REPIN1: variants seen among roughly 807,000 people sequenced by gnomAD.
The protein encoded by REPIN1 is replication initiator 1.
REPIN1 carries 4 observed loss-of-function variants against 5.7 expected under a neutral mutation model. That is an observed-to-expected ratio of 0.71 (90% confidence interval 0.35 to 1.62). The LOEUF is 1.62. REPIN1 is among the 40% of genes most tolerant of loss of function. The pLI is 0.05. For synonymous variants in REPIN1, 410 were observed against 386.2 expected (o/e 1.06, Z -0.72); for missense variants, 854 against 901.0 (o/e 0.95, Z 0.67).
rs931895699 is a variant in REPIN1 at position 150,373,390 on chromosome 7, A to T, written c.*445A>T. 2 of 189,090 alleles carry T rather than the reference A, an allele frequency of 1.1e-5. No individual in the cohort carries two copies. Among genetic ancestry groups the T allele is most frequent in the Non-Finnish European group, 2.5e-5 (2 of 80,308 alleles). 11.7% of individuals were successfully genotyped at this position (189,090 alleles called of 1,614,324 possible). A position where few individuals can be genotyped will look rare whatever the true frequency, so the allele number is the denominator to read the frequency against. ...CCTGTAAATGAATGCTCTGGGCTAG[A>T]TACAGCTTGGAGAACCTGCTGGCCT... is the stretch of plus-strand genomic sequence containing the variant. On this transcript the variant is annotated 3_prime_UTR_variant, in exon 3 of 3. Transcript: ENST00000489432.
At chr7:150,370,782 A>G (rs1399959628) in intron 2 of REPIN1, 2 of 702,330 alleles carry the variant, frequency 2.8e-6, no homozygotes, top group Non-Finnish European at 5.2e-6. Context: ...CTGTTTGTCC[A>G]GCTTCTCAGA....
Position 150,369,868 on chromosome 7 carries a change from G to C in REPIN1, c.157G>C (p.Ala53Pro). The change falls in exon 2 of 3, where the codon GCA (alanine) becomes CCA (proline). Residue 53 changes from alanine to proline, a missense_variant and splice_region_variant. Transcript: ENST00000489432. Reference sequence around the variant, plus strand: ...TCATCCCCAGCTCTGCAGTCTCCAGGGTAGAGTCTGGCCTTTGCTGTGCTC... The same window carrying C: ...TCATCCCCAGCTCTGCAGTCTCCAGCGTAGAGTCTGGCCTTTGCTGTGCTC... ...KPHPQLCSLQ[A>P]EEEPMLERRC... is the part of the protein sequence containing the mutation. 6.3e-7 allele frequency: 1 copy of C among 1,594,194 alleles called. No homozygotes were observed. The highest frequency in any genetic ancestry group is 8.6e-7 in the Non-Finnish European group (1 of 1,166,636).
chr7:150,371,868 C>G lies in REPIN1; in HGVS notation c.798C>G (p.Ala266=). 1 of 1,606,172 alleles carries G rather than the reference C, an allele frequency of 6.2e-7. No individual in the cohort carries two copies. Among genetic ancestry groups the G allele is most frequent in the Non-Finnish European group, 8.5e-7 (1 of 1,176,886 alleles). The part of the protein sequence containing the change: ...HVAEALEEAA[A]KALGPRPRGR... ...CTGAGGCCCTGGAGGAGGCCGCAGC[C>G]AAGGCTCTGGGGCCCCGGCCCAGGG... The change falls in exon 3 of 3, where the codon GCC becomes GCG. Residue 266 remains alanine, a synonymous_variant. Coordinates refer to ENST00000489432, the MANE Select transcript of REPIN1 (RefSeq NM_001099695.2).
rs1800066568 is a variant in REPIN1, at chr7:150,373,155, G to A, written c.*210G>A. The A allele has an allele frequency of 2.9e-6, 2 of 688,888 alleles. No individual in the cohort carries two copies. The highest frequency in any genetic ancestry group is 3.0e-5 in the Admixed American group (1 of 33,592). The allele number at this position is 688,888 out of a possible 1,614,324, so 42.7% of individuals were successfully genotyped here. On this transcript the variant is annotated 3_prime_UTR_variant, in exon 3 of 3. Transcript: ENST00000489432. ...GGAACCCACTTCCAAGCGCAGGGAC[G>A]CCGGCCTCCAGCTGGTGTGTGCTAA...
intron 2 of REPIN1, 67 bp from the exon 3 acceptor site, chr7:150,371,161 G>C (rs1799667166): frequency 1.4e-6 from 2 of 1,475,354 alleles, no homozygotes; most frequent in Non-Finnish European, 1.8e-6. Flanking sequence ...CGGGGCTGAG[G>C]TTGGGAGGGG....
rs761792658 is a variant in REPIN1 at position 150,372,035 on chromosome 7, A to C, written c.965A>C (p.Gln322Pro). The change falls in exon 3 of 3, where the codon CAG (glutamine) becomes CCG (proline). Residue 322 changes from glutamine (Q) to proline (P), a missense_variant. Around this residue, in one of 5 missense-constraint regions of REPIN1, gnomAD observed 327 missense variants for 307.8 expected, o/e 1.06. Coordinates refer to ENST00000489432, the MANE Select transcript of REPIN1 (RefSeq NM_001099695.2). Reference protein sequence around the residue: ...RRVHTGERPHQCPECGKRFTN... With the variant: ...RRVHTGERPHPCPECGKRFTN... Reference sequence around the variant, plus strand: ...GTGCACACGGGCGAGCGGCCCCACCAGTGCCCCGAGTGCGGGAAGCGCTTT... The same window carrying C: ...GTGCACACGGGCGAGCGGCCCCACCCGTGCCCCGAGTGCGGGAAGCGCTTT... The C allele has an allele frequency of 6.2e-7, 1 of 1,611,136 alleles. No individual in the cohort carries two copies. The highest frequency in any genetic ancestry group is 8.5e-7 in the Non-Finnish European group (1 of 1,179,284).
chr7:150,373,184 TCCGTCCTGA>T lies in REPIN1; in HGVS notation c.*241_*249del. On this transcript the variant is annotated 3_prime_UTR_variant, in exon 3 of 3. Transcript: ENST00000489432. ...GCCTCCAGCTGGTGTGTGCTAAGGC[TCCGTCCTGA>T]CTGCCCTGTGCCCTGGAAAAGCAGC... 2 of 617,792 alleles carry T rather than the reference TCCGTCCTGA, an allele frequency of 3.2e-6. No homozygotes were observed. The highest frequency in any genetic ancestry group is 5.8e-6 in the Non-Finnish European group (2 of 347,630). The allele number at this position is 617,792 out of a possible 1,614,324, so 38.3% of individuals were successfully genotyped here.
Position 150,369,845 on chromosome 7 carries a change from A to G in REPIN1, c.134A>G (p.His45Arg). 2 of 1,610,592 alleles carry G rather than the reference A, an allele frequency of 1.2e-6. No homozygotes were observed. The highest frequency in any genetic ancestry group is 1.7e-6 in the Non-Finnish European group (2 of 1,177,396). The change falls in exon 2 of 3, where the codon CAT (histidine) becomes CGT (arginine). Residue 45 changes from histidine (H) to arginine (R), a missense_variant. Physicochemically the swap from His to Arg is conservative, Grantham distance 29 (BLOSUM62 0). Coordinates refer to ENST00000489432, the MANE Select transcript of REPIN1 (RefSeq NM_001099695.2). ...CCCAAGAGGAGCTGGAAAAAGCCTC[A>G]TCCCCAGCTCTGCAGTCTCCAGGGT... is the stretch of plus-strand genomic sequence containing the variant. ...NIPKRSWKKPHPQLCSLQAEE... is the reference protein window; with the variant it reads ...NIPKRSWKKPRPQLCSLQAEE...
chr7:150,370,214 C>A (rs1000447807), intron 2 of REPIN1: 7 of 277,712 alleles, frequency 2.5e-5, no homozygotes, highest in African/African-American at 1.3e-4. Flanking sequence ...TGGGGCAGGA[C>A]CGGGCAGGGG....
upstream of REPIN1, among the ~76,000 whole-genome samples, chr7:150,368,602 G>A (rs1204190923): frequency 1.3e-5 from 2 of 152,026 alleles, no homozygotes; most frequent in African/African-American, 4.8e-5. Context: ...GCTGGTGGTC[G>A]CCATGGCAAC....
In REPIN1 at chr7:150,372,841, C is replaced by G. The variant is rs745317554; in HGVS notation, c.1771C>G (p.Arg591Gly). The G allele has an allele frequency of 2.5e-6, 4 of 1,612,682 alleles. No individual in the cohort carries two copies. Among genetic ancestry groups the G allele is most frequent in the Middle Eastern group, 1.6e-4 (1 of 6,084 alleles). The change falls in exon 3 of 3, where the codon CGC becomes GGC. Residue 591 changes from arginine to glycine, a missense_variant. By Grantham distance (125) the Arg-to-Gly change is moderately radical (BLOSUM62 -2). Transcript: ENST00000489432. ...FSQKSNLITH[R>G]KSHIRDGAFC... ...CCAGAAGTCCAACCTCATCACCCACCGCAAGAGCCACATCCGGGACGGCGC... is the reference window on the plus strand; with the variant it reads ...CCAGAAGTCCAACCTCATCACCCACGGCAAGAGCCACATCCGGGACGGCGC...
rs761727650 is a variant in REPIN1 at position 150,372,210 on chromosome 7, C to T, written c.1140C>T (p.Ala380=). Residue 380 remains alanine (A), a synonymous_variant, in exon 3 of 3, where the codon GCC becomes GCT. Coordinates refer to ENST00000489432, the MANE Select transcript of REPIN1 (RefSeq NM_001099695.2). The part of the protein sequence containing the change: ...IHKRSEGSAQ[A]APGPGSPQLP... ...AGCGATCCGAGGGGTCGGCCCAGGC[C>T]GCCCCCGGCCCGGGGAGCCCCCAGC... 11 of 1,584,952 alleles carry T rather than the reference C, an allele frequency of 6.9e-6. No homozygotes were observed. Among genetic ancestry groups the T allele is most frequent in the Admixed American group, 3.5e-5 (2 of 56,674 alleles).
rs766147293 is a variant in REPIN1, at chr7:150,372,937, G to A, written c.1867G>A (p.Asp623Asn). 59 of 1,612,166 alleles carry A rather than the reference G, an allele frequency of 3.7e-5. No individual in the cohort carries two copies. The highest frequency in any genetic ancestry group is 4.7e-5 in the Non-Finnish European group (55 of 1,179,296). Reference sequence around the variant, plus strand: ...ACTCCTGGCCCACCAGAAGAAGCACGATGTCTGAGACGGTGGGCGGGGCCG... The same window carrying A: ...ACTCCTGGCCCACCAGAAGAAGCACAATGTCTGAGACGGTGGGCGGGGCCG... ...ERLLAHQKKH[D>N]V The change falls in exon 3 of 3, where the codon GAT becomes AAT. Residue 623 changes from aspartate to asparagine, a missense_variant. This residue lies in a region of REPIN1 where 101 missense variants were observed against 124.7 expected (regional missense o/e 0.81). Coordinates refer to ENST00000489432, the MANE Select transcript of REPIN1 (RefSeq NM_001099695.2).
chr7:150,369,042 GC>G (rs1259785639), intron 1 of REPIN1, 101 bp downstream of exon 1: 22 of 365,016 alleles, frequency 6.0e-5, no homozygotes, highest in Admixed American at 2.8e-4. Context: ...GTGTGAGTGC[GC>G]GGGGGGGGAC....
At chr7:150,369,605 GA>G (rs1799314411) in intron 1 of REPIN1, 65 bp from the exon 2 acceptor site, 2 of 1,438,818 alleles carry the variant, frequency 1.4e-6, no homozygotes, top group East Asian at 4.8e-5. Context: ...GGCTGGTGAG[GA>G]CACAAAGCTG....
chr7:150,370,690 G>A, intron 2 of REPIN1: 1 of 701,780 alleles, frequency 1.4e-6, no homozygotes, highest in Non-Finnish European at 2.6e-6. Context: ...TTCTGCTGTT[G>A]GCTTACTGTG....
Position 150,373,171 on chromosome 7 carries a change from T to C in REPIN1, c.*226T>C. 1 of 645,596 alleles carries C rather than the reference T, an allele frequency of 1.5e-6. No homozygotes were observed. The allele number at this position is 645,596 out of a possible 1,614,324, so 40.0% of individuals were successfully genotyped here. Reference sequence around the variant, plus strand: ...CGCAGGGACGCCGGCCTCCAGCTGGTGTGTGCTAAGGCTCCGTCCTGACTG... The same window carrying C: ...CGCAGGGACGCCGGCCTCCAGCTGGCGTGTGCTAAGGCTCCGTCCTGACTG... On this transcript the variant is annotated 3_prime_UTR_variant, in exon 3 of 3. Transcript: ENST00000489432.
rs750799305 is a variant in REPIN1, at chr7:150,371,330, C to T, written c.260C>T (p.Thr87Ile). Residue 87 changes from threonine to isoleucine, a missense_variant, in exon 3 of 3, where the codon ACC becomes ATC. By Grantham distance (89) the Thr-to-Ile change is moderately conservative. Coordinates refer to ENST00000489432, the MANE Select transcript of REPIN1 (RefSeq NM_001099695.2). ...GGGCCCTCCCAGGAGTCACCCCAGA[C>T]CCTGGGGAAGGAGTCCCGCGGGCTG... ...LSGPSQESPQ[T>I]LGKESRGLRQ... is the part of the protein sequence containing the mutation. 1.3e-6 allele frequency: 2 copies of T among 1,585,240 alleles called. No homozygotes were observed. The highest frequency in any genetic ancestry group is 2.7e-5 in the African/African-American group (2 of 74,424).
chr7:150,371,343 G>C lies in REPIN1; in HGVS notation c.273G>C (p.Glu91Asp). 6.3e-7 allele frequency: 1 copy of C among 1,586,700 alleles called. No homozygotes were observed. The highest frequency in any genetic ancestry group is 2.3e-5 in the East Asian group (1 of 43,528). ...AGTCACCCCAGACCCTGGGGAAGGA[G>C]TCCCGCGGGCTGAGGCAACAAGGCA... ...SQESPQTLGK[E>D]SRGLRQQGTS... Residue 91 changes from glutamate to aspartate, a missense_variant, in exon 3 of 3, where the codon GAG becomes GAC. Coordinates refer to ENST00000489432, the MANE Select transcript of REPIN1 (RefSeq NM_001099695.2).
Sources: allele counts gnomAD v4.1 joint callset (sites outside exome capture counted in the v4.1 genomes callset), GRCh38; gene constraint gnomAD v4.1.1; regional missense constraint gnomAD v4.1.1; transcripts MANE v1.5; gene names NCBI Gene and HGNC (gene_info 2026-07-23, HGNC 2026-07-21).